Variants in SEMA3D observed in about 807,000 individuals in gnomAD.
SEMA3D encodes the protein semaphorin-3D.
A neutral mutation model predicts 100.1 loss-of-function variants in SEMA3D; 84 were observed. That is an observed-to-expected ratio of 0.84 (90% confidence interval 0.70 to 1.01). The LOEUF (loss-of-function observed/expected upper bound fraction) is 1.01, where lower values mean the gene tolerates loss of function less well. Among genes scored for constraint, SEMA3D ranks in the 50% least tolerant of loss-of-function variants. The pLI is 0.00. For synonymous variants in SEMA3D, 312 were observed against 320.7 expected, an observed-to-expected ratio of 0.97 and a Z score of 0.29; for missense variants, 875 against 934.1, an observed-to-expected ratio of 0.94 and a Z score of 0.82.
Position 85,151,785 on chromosome 7 carries a change from A to G in SEMA3D, c.-41+1823T>C, listed in dbSNP as rs922351882. 1.3e-5 allele frequency: 11 copies of G among 831,510 alleles called. No individual in the cohort carries two copies. In the Admixed American group the frequency reaches 6.9e-4, roughly 52 times the overall value. 51.5% of individuals were successfully genotyped at this position (831,510 alleles called of 1,614,324 possible). On this transcript the variant is annotated intron_variant, in intron 2 of 18. Transcript: ENST00000284136. ...AGTAGAACTTAAACTATTATATTAG[A>G]AGAAAATTTTAAATTCCTATTTTAA...
At chr7:85,139,179 G>A (rs770375638) in intron 2 of SEMA3D, among the ~76,000 whole-genome samples, 24 of 152,104 alleles carry the variant, frequency 1.6e-4, no homozygotes, top group Middle Eastern at 3.4e-3. Flanking sequence ...ACTGAGACTG[G>A]TAAAATCTAC....
At chr7:85,081,194 C>G (rs1021785787) in intron 5 of SEMA3D, among the ~76,000 whole-genome samples, 1 of 152,124 alleles carries the variant, frequency 6.6e-6, no homozygotes, top group Non-Finnish European at 1.5e-5. Context: ...ATGAAAAATA[C>G]ATGTTCCTAG....
At chr7:85,138,379 C>T (rs1789923421) in intron 2 of SEMA3D, among the ~76,000 whole-genome samples, 2 of 151,970 alleles carry the variant, frequency 1.3e-5, no homozygotes, top group South Asian at 4.2e-4. Flanking sequence ...ACCTCTGCCT[C>T]CCCGGTTCAA....
At chr7:85,055,672 A>G (rs1583877519) in intron 9 of SEMA3D, 45 bp downstream of exon 9, 2 of 170,802 alleles carry the variant, frequency 1.2e-5, no homozygotes, top group South Asian at 1.4e-4. Flanking sequence ...ATATATATAT[A>G]TATATATATA....
At chr7:85,011,965 G>GGT (rs914060853) in intron 17 of SEMA3D, among the ~76,000 whole-genome samples, 2 of 151,022 alleles carry the variant, frequency 1.3e-5, no homozygotes, top group Non-Finnish European at 3.0e-5. Flanking sequence ...GTGTGTGTTT[G>GGT]GTGTGTGTGT....
chr7:85,181,960 T>C, intron 1 of SEMA3D: 1 of 154,760 alleles, frequency 6.5e-6, no homozygotes, highest in Non-Finnish European at 1.4e-5. Context: ...CTTACCTATG[T>C]ATAGGTGTTT....
chr7:85,023,710 C>T (rs1177371416), intron 12 of SEMA3D, among the ~76,000 whole-genome samples: 1 of 151,820 alleles, frequency 6.6e-6, no homozygotes, highest in Non-Finnish European at 1.5e-5. Context: ...TCAAAATATT[C>T]AAGAGGGTCA....
At chr7:85,144,056 A>C (rs1380320256) in intron 2 of SEMA3D, among the ~76,000 whole-genome samples, 1 of 152,114 alleles carries the variant, frequency 6.6e-6, no homozygotes, top group Non-Finnish European at 1.5e-5. Context: ...TATGAAAGTA[A>C]AAAGTAACAG....
intron 3 of SEMA3D, among the ~76,000 whole-genome samples, chr7:85,113,156 G>A (rs1462485576): frequency 1.3e-5 from 2 of 152,156 alleles, no homozygotes; most frequent in African/African-American, 4.8e-5. Context: ...TTTTACAATT[G>A]CAGCGTAAAC....
chr7:85,241,467 G>GTGTATA, the SEMA3D span, among the ~76,000 whole-genome samples: 11,916 of 91,718 alleles, frequency 0.13, 1,538 homozygotes, highest in Middle Eastern at 0.21. Context: ...CTGTGTGTGT[G>GTGTATA]TATATATATA....
At chr7:85,140,601 A>C (rs1360567868) in intron 2 of SEMA3D, 26 of 920,940 alleles carry the variant, frequency 2.8e-5, no homozygotes, top group East Asian at 1.2e-4. Flanking sequence ...ATATATCTCT[A>C]TATATAATAA....
At chr7:85,216,358 TGTG>T in the SEMA3D span, among the ~76,000 whole-genome samples, 2 of 16,088 alleles carry the variant, frequency 1.2e-4, no homozygotes. Context: ...ATAAGAGTGT[TGTG>T]TGTGTGTGTG....
At chr7:85,047,495 GTA>G in intron 9 of SEMA3D, among the ~76,000 whole-genome samples, 1 of 151,758 alleles carries the variant, frequency 6.6e-6, no homozygotes, top group Non-Finnish European at 1.5e-5. Context: ...GATTTTATCT[GTA>G]TATACCATCC....
chr7:85,000,542 TTC>T (rs1584514905), intron 18 of SEMA3D, among the ~76,000 whole-genome samples: 1 of 152,298 alleles, frequency 6.6e-6, no homozygotes, highest in East Asian at 1.9e-4. Flanking sequence ...AAAGCTGAAT[TTC>T]TCTCTTTGCT....
Position 85,101,219 on chromosome 7 carries a change from T to A in SEMA3D, c.152-3254A>T, listed in dbSNP as rs73181423. Among the ~76,000 whole-genome samples the A allele has an allele frequency of 9.3e-3, 1,417 of 152,128 alleles. 13 individuals are homozygous for A. The highest frequency in any genetic ancestry group is 0.016 in the Non-Finnish European group (1,057 of 67,924). On this transcript the variant is annotated intron_variant, in intron 3 of 18. Coordinates refer to ENST00000284136, the MANE Select transcript of SEMA3D (RefSeq NM_001384900.1). Reference sequence around the variant, plus strand: ...ATGTCTTCCATGCAATTTCCCTTATTTAACTAAGACTGAAATCAGCAAAAT... The same window carrying A: ...ATGTCTTCCATGCAATTTCCCTTATATAACTAAGACTGAAATCAGCAAAAT...
rs531960724 is a variant in SEMA3D at position 85,105,392 on chromosome 7, C to T, written c.152-7427G>A. 2.6e-5 allele frequency among the ~76,000 whole-genome samples: 4 copies of T among 152,168 alleles called. No homozygotes were observed. The South Asian group carries it at 8.3e-4, about 32-fold the overall frequency. ...TTAGCTCATCTTAACTTGGCATCAG[C>T]TGACCTCCAATATGCTTTCTGAGGC... is the stretch of plus-strand genomic sequence containing the variant. On this transcript the variant is annotated intron_variant, in intron 3 of 18. Coordinates refer to ENST00000284136, the MANE Select transcript of SEMA3D (RefSeq NM_001384900.1).
intron 18 of SEMA3D, among the ~76,000 whole-genome samples, chr7:85,006,353 T>C (rs533065555): frequency 6.6e-6 from 1 of 152,006 alleles, no homozygotes; most frequent in Non-Finnish European, 1.5e-5. Context: ...TCTGGATACT[T>C]ATCTAATTTG....
the SEMA3D span, among the ~76,000 whole-genome samples, chr7:85,247,310 G>GT: frequency 6.6e-6 from 1 of 151,940 alleles, no homozygotes; most frequent in Non-Finnish European, 1.5e-5. Flanking sequence ...ATAGATTGCT[G>GT]TCTCATTATA....
At chr7:85,147,625 GAT>G (rs1399441358) in intron 2 of SEMA3D, among the ~76,000 whole-genome samples, 1 of 152,016 alleles carries the variant, frequency 6.6e-6, no homozygotes, top group African/African-American at 2.4e-5. Context: ...CTGATATTTA[GAT>G]AACAGAATTT....
Sources: allele counts gnomAD v4.1 joint callset (sites outside exome capture counted in the v4.1 genomes callset), GRCh38; gene constraint gnomAD v4.1.1; transcripts MANE v1.5; gene names NCBI Gene and HGNC (gene_info 2026-07-23, HGNC 2026-07-21).